RHOT1: variants seen among roughly 807,000 people sequenced by gnomAD.
RHOT1 encodes the protein mitochondrial Rho GTPase 1.
Under a neutral mutation model 95.3 loss-of-function variants are expected in RHOT1, and 27 were observed. The ratio of observed to expected loss-of-function variants is 0.28; its 90% CI spans 0.21 to 0.39. The LOEUF (loss-of-function observed/expected upper bound fraction) is 0.39, where lower values mean the gene tolerates loss of function less well. Among genes scored for constraint, RHOT1 ranks in the 10% least tolerant of loss-of-function variants. The pLI is 1.00. For missense variants in RHOT1, 578 were observed against 786.7 expected (o/e 0.73, Z 3.17); for synonymous variants, 227 against 263.5 (o/e 0.86, Z 1.34).
chr17:32,148,920 G>A (rs2031794803), intron 1 of RHOT1, among the ~76,000 whole-genome samples: 1 of 152,152 alleles, frequency 6.6e-6, no homozygotes, highest in South Asian at 2.1e-4. Flanking sequence ...TTGTAGCCTG[G>A]ATAAATCTGG....
At chr17:32,208,900 G>C (rs2037938031) in intron 18 of RHOT1, 1 of 154,898 alleles carries the variant, frequency 6.5e-6, no homozygotes, top group South Asian at 2.0e-4. Context: ...GCACATAACT[G>C]TGGTCATCTC....
At chr17:32,213,341 G>A (rs9898503) in intron 19 of RHOT1, among the ~76,000 whole-genome samples, 1,838 of 152,192 alleles carry the variant, frequency 0.012, 32 homozygotes, top group African/African-American at 0.042. Context: ...TGGTAGATAT[G>A]TACTGTTTTT....
chr17:32,197,329 A>G (rs142484825), intron 11 of RHOT1, among the ~76,000 whole-genome samples: 26 of 149,888 alleles, frequency 1.7e-4, no homozygotes, highest in African/African-American at 5.1e-4. Context: ...CCTGGGTTCA[A>G]TCACTTCTCC....
chr17:32,186,090 A>T (rs958762153), intron 8 of RHOT1, among the ~76,000 whole-genome samples: 1 of 152,188 alleles, frequency 6.6e-6, no homozygotes, highest in Non-Finnish European at 1.5e-5. Flanking sequence ...TATATTTGAC[A>T]TACGGAGGAA....
intron 1 of RHOT1, among the ~76,000 whole-genome samples, chr17:32,153,874 T>C (rs1035185596): frequency 5.3e-5 from 8 of 152,192 alleles, no homozygotes; most frequent in South Asian, 2.1e-4. Context: ...CTGGGAGTTA[T>C]ACTACTGCTA....
chr17:32,217,191 A>G (rs777409435), intron 19 of RHOT1, among the ~76,000 whole-genome samples: 1 of 152,144 alleles, frequency 6.6e-6, no homozygotes, highest in African/African-American at 2.4e-5. Flanking sequence ...TTGGTGAAGC[A>G]TTTCTTGACA....
chr17:32,196,024 C>G (rs62064167), intron 11 of RHOT1, among the ~76,000 whole-genome samples: 11,452 of 151,986 alleles, frequency 0.075, 596 homozygotes, highest in Non-Finnish European at 0.11. Context: ...CTTTAATTTT[C>G]TGCAAAATAA....
intron 8 of RHOT1, among the ~76,000 whole-genome samples, chr17:32,188,107 G>A (rs1042053331): frequency 3.9e-5 from 6 of 152,132 alleles, no homozygotes; most frequent in African/African-American, 9.7e-5. Flanking sequence ...TACTAATTGC[G>A]CTGACACACT....
At chr17:32,194,878 G>A (rs2036757104) in intron 11 of RHOT1, among the ~76,000 whole-genome samples, 1 of 148,494 alleles carries the variant, frequency 6.7e-6, no homozygotes, top group Non-Finnish European at 1.5e-5. Flanking sequence ...ACCCAGGCTG[G>A]AGTGCAGTGT....
At chr17:32,189,251 A>G (rs1045578052) in intron 8 of RHOT1, among the ~76,000 whole-genome samples, 24 of 152,182 alleles carry the variant, frequency 1.6e-4, no homozygotes, top group African/African-American at 5.1e-4. Flanking sequence ...GTGAGCCGAG[A>G]TCGTGCCACT....
intron 1 of RHOT1, among the ~76,000 whole-genome samples, chr17:32,148,455 CT>C (rs2031720062): frequency 6.6e-6 from 1 of 152,188 alleles, no homozygotes; most frequent in African/African-American, 2.4e-5. Context: ...GTACTGAAAC[CT>C]ATTCTCTGCT....
chr17:32,187,036 C>T (rs2036113325), intron 8 of RHOT1, among the ~76,000 whole-genome samples: 1 of 151,874 alleles, frequency 6.6e-6, no homozygotes, highest in Non-Finnish European at 1.5e-5. Flanking sequence ...CCTGTAATCC[C>T]AGCACTTTGG....
intron 1 of RHOT1, chr17:32,150,958 T>TTGCTGC (rs34323066): frequency 4.1e-5 from 64 of 1,547,560 alleles, no homozygotes; most frequent in East Asian, 3.8e-4. Flanking sequence ...GCTTTGCTGA[T>TTGCTGC]TGCTGCTGCT....
In RHOT1 at chr17:32,205,709, G is replaced by C. The variant is rs544123039; in HGVS notation, c.1417-1201G>C. ...AATCCCAGCACTTTGGGAGGCCGAGGCGGGTGGATCACCCTAGCCTGACCA... is the reference window on the plus strand; with the variant it reads ...AATCCCAGCACTTTGGGAGGCCGAGCCGGGTGGATCACCCTAGCCTGACCA... On this transcript the variant is annotated intron_variant, in intron 16 of 19. Coordinates refer to ENST00000545287, the MANE Select transcript of RHOT1 (RefSeq NM_001033566.3). Among the ~76,000 whole-genome samples, 518 of 152,296 alleles carry C rather than the reference G, an allele frequency of 3.4e-3. 2 individuals are homozygous for C. The highest frequency in any genetic ancestry group is 6.1e-3 in the Non-Finnish European group (416 of 68,014).
intron 1 of RHOT1, among the ~76,000 whole-genome samples, chr17:32,168,019 G>T (rs2034240801): frequency 6.6e-6 from 1 of 151,498 alleles, no homozygotes; most frequent in Admixed American, 6.6e-5. Context: ...AGGTGACAGA[G>T]ACCCCCATCT....
chr17:32,206,969 A>T lies in RHOT1; in HGVS notation c.1476A>T (p.Val492=). The change falls in exon 17 of 20, where the codon GTA becomes GTT. Residue 492 remains valine, a synonymous_variant. Transcript: ENST00000545287. Reference sequence around the variant, plus strand: ...AAGCTGAAATCATTTGTGATGTTGTATGCCTGGTATATGATGTCAGCAATC... The same window carrying T: ...AAGCTGAAATCATTTGTGATGTTGTTTGCCTGGTATATGATGTCAGCAATC... ...LTEAEIICDV[V]CLVYDVSNPK... is the part of the protein sequence containing the mutation. The T allele has an allele frequency of 6.2e-7, 1 of 1,611,754 alleles. No individual in the cohort carries two copies.
intron 8 of RHOT1, among the ~76,000 whole-genome samples, chr17:32,183,611 A>G (rs1157278831): frequency 6.6e-6 from 1 of 152,224 alleles, no homozygotes; most frequent in East Asian, 1.9e-4. Context: ...AAAAACACAC[A>G]CAAATAAAAA....
chr17:32,189,230 C>T (rs545989255), intron 8 of RHOT1, among the ~76,000 whole-genome samples: 25 of 152,064 alleles, frequency 1.6e-4, no homozygotes, highest in Non-Finnish European at 2.9e-4. Flanking sequence ...ACCCAGGAGA[C>T]GGAGCTTGCA....
At chr17:32,199,705 A>G (rs2037170408) in intron 13 of RHOT1, among the ~76,000 whole-genome samples, 155 bp downstream of exon 13, 1 of 152,258 alleles carries the variant, frequency 6.6e-6, no homozygotes, top group Non-Finnish European at 1.5e-5. Context: ...TCTAAGATGA[A>G]CTATAAATGT....
Sources: gnomAD v4.1 joint callset for allele counts (sites outside exome capture counted in the v4.1 genomes callset) on GRCh38, gnomAD v4.1.1 for gene constraint, MANE v1.5 for transcripts, NCBI Gene and HGNC (gene_info 2026-07-23, HGNC 2026-07-21) for gene names.